The following ORC3 variants were observed in gnomAD, a reference collection of about 807,000 sequenced individuals.
The protein encoded by ORC3 is homolog of latheo, Drosophila.
ORC3 carries 78 observed loss-of-function variants against 100.7 expected under a neutral mutation model. That is an observed-to-expected ratio of 0.77 (90% CI 0.65 to 0.94). ORC3 has a LOEUF of 0.94. Ranked by LOEUF, ORC3 falls within the 40% of genes least tolerant of loss-of-function variation. The probability of loss-of-function intolerance (pLI) is 0.00; values close to 1 mark genes in which losing one functional copy is unlikely to be tolerated. For synonymous variants in ORC3, 295 were observed against 289.3 expected (o/e 1.02, Z -0.20); for missense variants, 789 against 823.9 (o/e 0.96, Z 0.52).
At chr6:87,628,194 A>G (rs1043026004) in intron 11 of ORC3, among the ~76,000 whole-genome samples, 59 of 152,210 alleles carry the variant, frequency 3.9e-4, no homozygotes, top group African/African-American at 1.4e-3. Context: ...TCGGAGGGAG[A>G]GCATCAGGAT....
At chr6:87,673,772 C>T in the ORC3 span, among the ~76,000 whole-genome samples, 23 of 151,174 alleles carry the variant, frequency 1.5e-4, no homozygotes, top group Non-Finnish European at 2.1e-4. Context: ...ACCCGGGAGG[C>T]GGAGGTTACA....
chr6:87,616,758 AG>A (rs1189620589), intron 9 of ORC3, among the ~76,000 whole-genome samples: 3 of 151,630 alleles, frequency 2.0e-5, no homozygotes, highest in African/African-American at 7.3e-5. Context: ...GCTATATATA[AG>A]GGGTCAGCAA....
Position 87,667,113 on chromosome 6 carries a change from G to T in ORC3, c.2126G>T (p.Gly709Val). 1 of 1,591,476 alleles carries T rather than the reference G, an allele frequency of 6.3e-7. No individual in the cohort carries two copies. Among genetic ancestry groups the T allele is most frequent in the Non-Finnish European group, 8.6e-7 (1 of 1,164,430 alleles). The change falls in exon 20 of 20, where the codon GGA becomes GTA. Residue 709 changes from glycine (G) to valine (V), a missense_variant. Physicochemically the swap from Gly to Val is moderately radical, Grantham distance 109. Coordinates refer to ENST00000392844, the MANE Select transcript of ORC3 (RefSeq NM_012381.4). ...GACCATGTGGCAAGACTAACATGGG[G>T]AGGCTGCTAGAAAGCAAATAAGCAA... ...KTDHVARLTW[G>V]GC
chr6:87,647,221 T>C (rs1240135742), intron 13 of ORC3, among the ~76,000 whole-genome samples: 1 of 152,196 alleles, frequency 6.6e-6, no homozygotes, highest in Non-Finnish European at 1.5e-5. Flanking sequence ...GTAAAAGCCG[T>C]ATACAGTGAC....
intron 2 of ORC3, among the ~76,000 whole-genome samples, chr6:87,595,949 C>T (rs1221173644): frequency 1.3e-5 from 2 of 152,164 alleles, no homozygotes; most frequent in Non-Finnish European, 1.5e-5. Flanking sequence ...GATCCTCCCA[C>T]CTCAGCCTCC....
At chr6:87,625,871 A>G (rs1779866261) in intron 11 of ORC3, among the ~76,000 whole-genome samples, 1 of 152,148 alleles carries the variant, frequency 6.6e-6, no homozygotes, top group African/African-American at 2.4e-5. Context: ...TTATAAGGTT[A>G]AGGAAGGGAT....
At chr6:87,670,680 T>C (rs1240573936), downstream of ORC3, among the ~76,000 whole-genome samples, 1 of 152,184 alleles carries the variant, frequency 6.6e-6, no homozygotes, top group East Asian at 1.9e-4. Flanking sequence ...TTTAATGAAA[T>C]ACTGATCTGA....
intron 9 of ORC3, among the ~76,000 whole-genome samples, chr6:87,617,627 G>A (rs1583052579): frequency 1.3e-5 from 2 of 152,028 alleles, no homozygotes; most frequent in African/African-American, 2.4e-5. Context: ...CCAGGTCCTC[G>A]GGAGGGTGAG....
intron 4 of ORC3, 98 bp downstream of exon 4, chr6:87,603,626 A>C: frequency 3.2e-6 from 2 of 630,616 alleles, no homozygotes; most frequent in Non-Finnish European, 5.2e-6. Context: ...TGTTTTGATG[A>C]GCCTATTTTG....
At chr6:87,671,692 T>A (rs1015214067), downstream of ORC3, among the ~76,000 whole-genome samples, 4 of 152,132 alleles carry the variant, frequency 2.6e-5, no homozygotes, top group Admixed American at 1.3e-4. Context: ...AAGTGTAGTA[T>A]TTTGCAAGCC....
At chr6:87,671,669 G>C (rs373069808), downstream of ORC3, among the ~76,000 whole-genome samples, 2 of 152,286 alleles carry the variant, frequency 1.3e-5, no homozygotes, top group African/African-American at 4.8e-5. Flanking sequence ...CAGTAAAGGA[G>C]AAACGTCAAA....
chr6:87,598,952 G>A (rs1362734345), intron 2 of ORC3, among the ~76,000 whole-genome samples: 1 of 152,188 alleles, frequency 6.6e-6, no homozygotes, highest in Non-Finnish European at 1.5e-5. Flanking sequence ...TGCATATCCA[G>A]CAAAACAACT....
At chr6:87,630,985 C>T (rs988083120) in intron 11 of ORC3, among the ~76,000 whole-genome samples, 1 of 152,048 alleles carries the variant, frequency 6.6e-6, no homozygotes, top group African/African-American at 2.4e-5. Flanking sequence ...GTCTTCCTAC[C>T]TCAGCCTCCT....
chr6:87,658,082 C>A, intron 16 of ORC3, 64 bp downstream of exon 16: 1 of 852,328 alleles, frequency 1.2e-6, no homozygotes, highest in South Asian at 1.4e-5. Context: ...ACACTGGTGT[C>A]ATAGCTGTCT....
intron 13 of ORC3, among the ~76,000 whole-genome samples, chr6:87,638,222 C>G (rs945165357): frequency 1.3e-5 from 2 of 152,174 alleles, no homozygotes; most frequent in African/African-American, 4.8e-5. Flanking sequence ...ATACCTACAG[C>G]AAGGACAGGC....
chr6:87,653,335 TTAGAGA>T, intron 14 of ORC3, 86 bp downstream of exon 14: 1 of 1,288,122 alleles, frequency 7.8e-7, no homozygotes, highest in South Asian at 1.4e-5. Context: ...TCTGATGTGC[TTAGAGA>T]TAAAGAGATA....
chr6:87,676,815 G>A, the ORC3 span, among the ~76,000 whole-genome samples: 842 of 147,728 alleles, frequency 5.7e-3, 7 homozygotes, highest in African/African-American at 0.02. Flanking sequence ...GGTGGCTTAC[G>A]CCTGTAATCC....
At chr6:87,644,606 C>G (rs1028422952) in intron 13 of ORC3, among the ~76,000 whole-genome samples, 1 of 151,918 alleles carries the variant, frequency 6.6e-6, no homozygotes, top group Non-Finnish European at 1.5e-5. Context: ...GAGGCTGAGG[C>G]AGGAGAATTG....
chr6:87,615,809 A>T (rs961699377), intron 8 of ORC3, among the ~76,000 whole-genome samples: 2 of 152,264 alleles, frequency 1.3e-5, no homozygotes, highest in African/African-American at 4.8e-5. Context: ...AAACATCACT[A>T]TAGACAATTG....
Sources: allele counts gnomAD v4.1 joint callset (sites outside exome capture counted in the v4.1 genomes callset), GRCh38; gene constraint gnomAD v4.1.1; transcripts MANE v1.5; gene names NCBI Gene and HGNC (gene_info 2026-07-23, HGNC 2026-07-21).